Variants in SLC5A11 observed in about 807,000 individuals in gnomAD.
SLC5A11 encodes sodium/myo-inositol cotransporter 2.
SLC5A11 carries 48 observed loss-of-function variants against 69.8 expected under a neutral mutation model. That is an observed-to-expected ratio of 0.69 (90% CI 0.55 to 0.87). SLC5A11 has a LOEUF of 0.87. Among genes scored for constraint, SLC5A11 ranks in the 40% least tolerant of loss-of-function variants. The probability of loss-of-function intolerance (pLI) is 0.00; values close to 1 mark genes in which losing one functional copy is unlikely to be tolerated. For missense variants in SLC5A11, 784 were observed against 866.1 expected, an observed-to-expected ratio of 0.91 and a Z score of 1.19; for synonymous variants, 319 against 342.4, an observed-to-expected ratio of 0.93 and a Z score of 0.75.
At chr16:24,902,570 G>GGT (rs1411428097) in intron 10 of SLC5A11, among the ~76,000 whole-genome samples, 1 of 131,442 alleles carries the variant, frequency 7.6e-6, no homozygotes, top group Non-Finnish European at 1.6e-5. Context: ...TTTTTGAGAC[G>GGT]GTGTTTTGCT....
chr16:24,848,427 A>T (rs994127260), intron 1 of SLC5A11, among the ~76,000 whole-genome samples: 4 of 152,100 alleles, frequency 2.6e-5, no homozygotes, highest in Admixed American at 6.6e-5. Flanking sequence ...TGGGCAACAT[A>T]GCAAGACCCC....
At chr16:24,887,703 T>C (rs2048479774) in intron 8 of SLC5A11, among the ~76,000 whole-genome samples, 1 of 152,174 alleles carries the variant, frequency 6.6e-6, no homozygotes, top group African/African-American at 2.4e-5. Context: ...GCAGTTACAA[T>C]CTGTGTGGCT....
At chr16:24,886,856 G>A (rs1351160498) in intron 8 of SLC5A11, among the ~76,000 whole-genome samples, 1 of 152,054 alleles carries the variant, frequency 6.6e-6, no homozygotes, top group Non-Finnish European at 1.5e-5. Context: ...GGATCAGGGA[G>A]GTTAAGGAGG....
At chr16:24,860,274 G>A (rs1375387428) in intron 2 of SLC5A11, among the ~76,000 whole-genome samples, 1 of 152,092 alleles carries the variant, frequency 6.6e-6, no homozygotes, top group African/African-American at 2.4e-5. Flanking sequence ...GCGACAGAGT[G>A]AGATTCCATC....
intron 3 of SLC5A11, among the ~76,000 whole-genome samples, chr16:24,866,072 A>T (rs1207329587): frequency 7.0e-6 from 1 of 143,472 alleles, no homozygotes; most frequent in Admixed American, 7.1e-5. Context: ...TAATAAAGGA[A>T]TTTAAATGGC....
intron 10 of SLC5A11, among the ~76,000 whole-genome samples, chr16:24,903,180 G>A (rs1348580776): frequency 6.6e-6 from 1 of 150,532 alleles, no homozygotes; most frequent in African/African-American, 2.5e-5. Flanking sequence ...ATCCCTGGAG[G>A]GACATCTGTT....
At position 24,890,793 on chromosome 16, in the gene SLC5A11, A is replaced by G. The variant is rs1597207361; in HGVS notation, c.665-76A>G. The G allele has an allele frequency of 2.9e-6, 4 of 1,394,758 alleles. No individual in the cohort carries two copies. In the East Asian group the frequency reaches 9.2e-5, roughly 32 times the overall value. 86.4% of individuals were successfully genotyped at this position (1,394,758 alleles called of 1,614,324 possible). A position where few individuals can be genotyped will look rare whatever the true frequency, so the allele number is the denominator to read the frequency against. ...GCTCTGGTCCTACTAGAATTTCACC[A>G]GTCTCCAGCCATCTCCTCATCACTT... On this transcript the variant is annotated intron_variant, in intron 8 of 15. Coordinates refer to ENST00000347898, the Ensembl canonical transcript of SLC5A11.
intron 7 of SLC5A11, among the ~76,000 whole-genome samples, chr16:24,883,027 G>A (rs979410619): frequency 6.6e-6 from 1 of 152,100 alleles, no homozygotes; most frequent in African/African-American, 2.4e-5. Context: ...AAGTCTAGGG[G>A]GCCTCTGAAT....
chr16:24,873,150 G>C lies in SLC5A11; in HGVS notation c.372+931G>C, dbSNP rs147092132. 2.3e-5 allele frequency among the ~76,000 whole-genome samples: 3 copies of C among 130,902 alleles called. No homozygotes were observed. The East Asian group carries it at 7.0e-4, about 30-fold the overall frequency. The allele number at this position is 130,902 out of a possible 152,430, so 85.9% of individuals were successfully genotyped here. ...GGGACTCCGTCAGAAGGAAAGGAAA[G>C]GAAAGAAGGAAAGGAAAGGAAAGGG... On this transcript the variant is annotated intron_variant, in intron 5 of 15. Transcript: ENST00000347898.
At chr16:24,867,974 T>C (rs2047018319) in intron 3 of SLC5A11, among the ~76,000 whole-genome samples, 1 of 151,444 alleles carries the variant, frequency 6.6e-6, no homozygotes, top group African/African-American at 2.4e-5. Context: ...CCATTTCTAC[T>C]AAAATACAAA....
At chr16:24,896,539 C>G (rs80010165) in intron 9 of SLC5A11, among the ~76,000 whole-genome samples, 1,564 of 152,062 alleles carry the variant, frequency 0.01, 33 homozygotes, top group African/African-American at 0.036. Flanking sequence ...ATGGGGAGTC[C>G]AGAGGTGGCT....
chr16:24,859,750 G>T (rs1365295912), intron 2 of SLC5A11, among the ~76,000 whole-genome samples: 3 of 152,058 alleles, frequency 2.0e-5, no homozygotes, highest in African/African-American at 7.2e-5. Context: ...CTTAAAAGTT[G>T]CATAATATTT....
chr16:24,895,698 A>C (rs1213973733), intron 9 of SLC5A11, among the ~76,000 whole-genome samples: 1 of 152,060 alleles, frequency 6.6e-6, no homozygotes, highest in Non-Finnish European at 1.5e-5. Context: ...TGCTGTGTCC[A>C]GTGGGCATGA....
intron 2 of SLC5A11, 29 bp downstream of exon 3, chr16:24,858,807 T>G: frequency 6.2e-7 from 1 of 1,600,168 alleles, no homozygotes; most frequent in Non-Finnish European, 8.5e-7. Context: ...GGATGGGGGA[T>G]GAAGAGAGAA....
chr16:24,873,118 A>T (rs2047420916), intron 5 of SLC5A11, among the ~76,000 whole-genome samples: 1 of 137,842 alleles, frequency 7.3e-6, no homozygotes. Context: ...TGCCTGGGTG[A>T]CAGAGTGGGA....
chr16:24,909,866 T>TAAGCA (rs1279318279), intron 14 of SLC5A11, among the ~76,000 whole-genome samples: 29 of 140,884 alleles, frequency 2.1e-4, no homozygotes, highest in Non-Finnish European at 4.0e-4. Flanking sequence ...AAAATAAGCA[T>TAAGCA]TAATATTTCT....
chr16:24,890,806 C>T, intron 8 of SLC5A11, 63 bp from the exon 10 acceptor site: 1 of 1,502,636 alleles, frequency 6.7e-7, no homozygotes, highest in Non-Finnish European at 9.3e-7. Context: ...CTCCAGCCAT[C>T]TCCTCATCAC....
Position 24,889,762 on chromosome 16 carries a change from G to A in SLC5A11, c.665-1107G>A, listed in dbSNP as rs1413587303. On this transcript the variant is annotated intron_variant, in intron 8 of 15. Coordinates refer to ENST00000347898, the Ensembl canonical transcript of SLC5A11. Reference sequence around the variant, plus strand: ...AGGGTTTCACCATGTGGGCCAGGTTGGTCTCGAACTCCTGACCTCAGGCGA... The same window carrying A: ...AGGGTTTCACCATGTGGGCCAGGTTAGTCTCGAACTCCTGACCTCAGGCGA... Among the ~76,000 whole-genome samples the A allele has an allele frequency of 4.6e-5, 7 of 151,826 alleles. No homozygotes were observed. In the East Asian group the frequency reaches 1.4e-3, roughly 29 times the overall value.
chr16:24,863,426 A>G (rs985406233), intron 3 of SLC5A11, among the ~76,000 whole-genome samples: 1 of 152,046 alleles, frequency 6.6e-6, no homozygotes, highest in African/African-American at 2.4e-5. Context: ...TTTTGTTTTA[A>G]CCAGGTAGCT....
Sources: gnomAD v4.1 joint callset for allele counts (sites outside exome capture counted in the v4.1 genomes callset) on GRCh38, gnomAD v4.1.1 for gene constraint, MANE v1.5 for transcripts, NCBI Gene and HGNC (gene_info 2026-07-23, HGNC 2026-07-21) for gene names.